The following SPINT2 variants were observed in gnomAD, a reference collection of about 807,000 sequenced individuals.
SPINT2 encodes serine peptidase inhibitor, Kunitz type 2.
In SPINT2, 18 loss-of-function variants were observed where a neutral mutation model predicts 30.1. That is an observed-to-expected ratio of 0.60 (90% confidence interval 0.41 to 0.89). The LOEUF (loss-of-function observed/expected upper bound fraction) is 0.89. SPINT2 is among the 40% of genes least tolerant of loss of function. The pLI is 0.00. For missense variants in SPINT2, 276 were observed against 334.3 expected, an observed-to-expected ratio of 0.83 and a Z score of 1.36; for synonymous variants, 139 against 137.9, an observed-to-expected ratio of 1.01 and a Z score of -0.05.
At position 38,269,053 on chromosome 19, in the gene SPINT2, G is replaced by A. The variant is rs535965131; in HGVS notation, c.106+4055G>A. 2.6e-5 allele frequency among the ~76,000 whole-genome samples: 4 copies of A among 152,172 alleles called. No individual in the cohort carries two copies. In the East Asian group the frequency reaches 5.8e-4, roughly 22 times the overall value. ...CTGGGCATCAGAACTTGTGTTAATGGTTACTTGGCTTAAGGTCTTTTGTTT... is the reference window on the plus strand; with the variant it reads ...CTGGGCATCAGAACTTGTGTTAATGATTACTTGGCTTAAGGTCTTTTGTTT... On this transcript the variant is annotated intron_variant, in intron 1 of 6. Transcript: ENST00000301244.
intron 1 of SPINT2, among the ~76,000 whole-genome samples, chr19:38,278,133 G>A (rs778259103): frequency 2.3e-4 from 35 of 152,102 alleles, no homozygotes; most frequent in Non-Finnish European, 3.7e-4. Flanking sequence ...AGCCCTGGCC[G>A]TTTCCTTTGG....
chr19:38,289,621 C>G (rs1045045276), intron 4 of SPINT2: 2 of 248,552 alleles, frequency 8.0e-6, no homozygotes, highest in Non-Finnish European at 1.6e-5. Context: ...CTCCCCTCCC[C>G]AGGTGGTGGC....
intron 1 of SPINT2, 34 bp downstream of exon 1, chr19:38,265,032 G>T (rs961488823): frequency 1.3e-6 from 2 of 1,511,652 alleles, no homozygotes; most frequent in South Asian, 2.4e-5. Flanking sequence ...GAGGCGGGGC[G>T]CAGGGGGCAG....
chr19:38,276,381 G>A lies in SPINT2; in HGVS notation c.107-7246G>A, dbSNP rs147981462. Among the ~76,000 whole-genome samples, 32 of 152,208 alleles carry A rather than the reference G, an allele frequency of 2.1e-4. No homozygotes were observed. In the East Asian group the frequency reaches 4.9e-3, roughly 23 times the overall value. On this transcript the variant is annotated intron_variant, in intron 1 of 6. Transcript: ENST00000301244. ...TTTGGGGCCAGGCGTGGTGGCTCAC[G>A]CCTGTAATCCCAGCACTTCGGGAGG... is the stretch of plus-strand genomic sequence containing the variant.
intron 2 of SPINT2, among the ~76,000 whole-genome samples, chr19:38,285,652 T>G (rs1346711941): frequency 6.6e-6 from 1 of 152,166 alleles, no homozygotes; most frequent in Non-Finnish European, 1.5e-5. Context: ...CATTTCACTT[T>G]AACTGAAAAA....
intron 1 of SPINT2, among the ~76,000 whole-genome samples, chr19:38,269,433 T>C (rs1461628721): frequency 1.6e-5 from 2 of 125,626 alleles, no homozygotes; most frequent in Non-Finnish European, 1.6e-5. Flanking sequence ...TGAGACAGAG[T>C]CTTGCTGTGT....
Position 38,290,033 on chromosome 19 carries a change from C to T in SPINT2, c.392-86C>T, listed in dbSNP as rs1317473460. 2.5e-5 allele frequency: 37 copies of T among 1,463,516 alleles called. 1 individual carries two copies. The highest frequency in any genetic ancestry group is 1.8e-4 in the South Asian group (16 of 87,674). The allele number at this position is 1,463,516 out of a possible 1,614,324, so 90.7% of individuals were successfully genotyped here. Reference sequence around the variant, plus strand: ...GAGATGTTTCTCCGTCTGCTGGAGCCGCAAGCCTCCTCAGGCACTTTCTGG... The same window carrying T: ...GAGATGTTTCTCCGTCTGCTGGAGCTGCAAGCCTCCTCAGGCACTTTCTGG... On this transcript the variant is annotated intron_variant, in intron 4 of 6. Transcript: ENST00000301244. This position sits in a 1 kb window ranked among gnomAD's most constrained non-coding sequence, Gnocchi z 4.3.
At chr19:38,287,090 C>A (rs1386125361) in intron 2 of SPINT2, among the ~76,000 whole-genome samples, 1 of 151,900 alleles carries the variant, frequency 6.6e-6, no homozygotes, top group Non-Finnish European at 1.5e-5. Flanking sequence ...ATGGTGTGAT[C>A]TCGGCTCACT....
intron 1 of SPINT2, among the ~76,000 whole-genome samples, chr19:38,280,127 G>A (rs768597402): frequency 1.3e-5 from 2 of 152,080 alleles, no homozygotes; most frequent in Non-Finnish European, 2.9e-5. Context: ...TCCCAGGCTC[G>A]CAAGACTTGT....
At position 38,264,698 on chromosome 19, in the gene SPINT2, G is replaced by C; in HGVS notation, c.-195G>C. The stretch of plus-strand genomic sequence containing the variant: ...AGCAGACCCAGGCATCGCGCGCCGA[G>C]AAGGCCGGGCGTCCCCACACTGAAG... On this transcript the variant is annotated 5_prime_UTR_variant, in exon 1 of 7. Coordinates refer to ENST00000301244, the MANE Select transcript of SPINT2 (RefSeq NM_021102.4). 1 of 594,742 alleles carries C rather than the reference G, an allele frequency of 1.7e-6. No homozygotes were observed. 36.8% of individuals were successfully genotyped at this position (594,742 alleles called of 1,614,324 possible). A position where few individuals can be genotyped will look rare whatever the true frequency, so the allele number is the denominator to read the frequency against.
At chr19:38,291,526 C>T (rs1484531600) in intron 6 of SPINT2, 4 of 357,430 alleles carry the variant, frequency 1.1e-5, no homozygotes, top group Non-Finnish European at 2.1e-5. Flanking sequence ...CGGCCTGGGG[C>T]TCCTGTGCAG....
At chr19:38,270,759 C>T (rs1968445233) in intron 1 of SPINT2, among the ~76,000 whole-genome samples, 2 of 152,212 alleles carry the variant, frequency 1.3e-5, no homozygotes, top group South Asian at 4.1e-4. Context: ...TCATTTTACC[C>T]ATCCCCAGCC....
chr19:38,288,050 A>G (rs1249533110), intron 3 of SPINT2, 115 bp downstream of exon 3: 2 of 1,322,550 alleles, frequency 1.5e-6, no homozygotes, highest in Non-Finnish European at 2.2e-6. Context: ...TGTTTACTCA[A>G]AATTGGCAAA....
At chr19:38,275,356 G>A (rs1331319852) in intron 1 of SPINT2, among the ~76,000 whole-genome samples, 1 of 152,072 alleles carries the variant, frequency 6.6e-6, no homozygotes, top group Non-Finnish European at 1.5e-5. Context: ...ACAGGGTCTT[G>A]CTCTGTCGCC....
chr19:38,268,204 T>C (rs548766966), intron 1 of SPINT2, among the ~76,000 whole-genome samples: 1 of 151,970 alleles, frequency 6.6e-6, no homozygotes, highest in South Asian at 2.1e-4. Context: ...CTCTGAGTAG[T>C]GAGGGCAGGT....
intron 1 of SPINT2, among the ~76,000 whole-genome samples, chr19:38,276,963 G>C (rs1968528043): frequency 6.6e-6 from 1 of 151,840 alleles, no homozygotes; most frequent in African/African-American, 2.4e-5. Flanking sequence ...ACCACACCCG[G>C]CTAATTTTTG....
chr19:38,280,900 CTG>C (rs1231566143), intron 1 of SPINT2, among the ~76,000 whole-genome samples: 1 of 152,212 alleles, frequency 6.6e-6, no homozygotes, highest in Non-Finnish European at 1.5e-5. Context: ...TGGAAAAAGG[CTG>C]TGTCTGACAC....
chr19:38,274,332 A>G (rs1161497365), intron 1 of SPINT2, among the ~76,000 whole-genome samples: 2 of 151,280 alleles, frequency 1.3e-5, no homozygotes, highest in Admixed American at 6.6e-5. Context: ...TTTTTTTGAG[A>G]TGGAGTTCTT....
At chr19:38,284,304 A>T (rs1968616807) in intron 2 of SPINT2, among the ~76,000 whole-genome samples, 1 of 151,878 alleles carries the variant, frequency 6.6e-6, no homozygotes, top group Non-Finnish European at 1.5e-5. Context: ...TATGTTACCC[A>T]GGCTGGTCTT....
Sources: allele counts gnomAD v4.1 joint callset (sites outside exome capture counted in the v4.1 genomes callset), GRCh38; gene constraint gnomAD v4.1.1; non-coding constraint Gnocchi (gnomAD v3.1); transcripts MANE v1.5; gene names NCBI Gene and HGNC (gene_info 2026-07-23, HGNC 2026-07-21).